The following LRP8 variants were observed in gnomAD, a reference collection of about 807,000 sequenced individuals.
LRP8 encodes the protein LDL receptor related protein 8, also known as low-density lipoprotein receptor-related protein 8.
A neutral mutation model predicts 111.6 loss-of-function variants in LRP8; 46 were observed. The observed-to-expected ratio is 0.41, with a 90% CI of 0.33 to 0.53. The LOEUF (loss-of-function observed/expected upper bound fraction) is 0.53, where lower values mean the gene tolerates loss of function less well. LRP8 is among the 20% of genes least tolerant of loss of function. The pLI, the probability that LRP8 is intolerant of heterozygous loss-of-function variation, is 0.20. For synonymous variants in LRP8, 464 were observed against 511.2 expected (o/e 0.91, Z 1.24); for missense variants, 959 against 1,297.4 (o/e 0.74, Z 4.01).
intron 3 of LRP8, among the ~76,000 whole-genome samples, chr1:53,285,075 G>C (rs1647348021): frequency 6.6e-6 from 1 of 152,202 alleles, no homozygotes; most frequent in African/African-American, 2.4e-5. Context: ...TCTGGGTAAT[G>C]ACTGACACAT....
chr1:53,262,599 T>A lies in LRP8; in HGVS notation c.1656-35A>T, dbSNP rs777275686. On this transcript the variant is annotated intron_variant, in intron 10 of 18. Coordinates refer to ENST00000306052, the MANE Select transcript of LRP8 (RefSeq NM_004631.5). The surrounding 1 kb of genome is among the most constrained non-coding windows in gnomAD (Gnocchi z 4.8). Reference sequence around the variant, plus strand: ...AAAATAACCCAATTTGCCTTCTTGCTGGGGACATGACCGGGGTGGTCTGAG... The same window carrying A: ...AAAATAACCCAATTTGCCTTCTTGCAGGGGACATGACCGGGGTGGTCTGAG... The A allele has an allele frequency of 2.4e-5, 37 of 1,558,822 alleles. No homozygotes were observed. The highest frequency in any genetic ancestry group is 3.2e-5 in the Non-Finnish European group (36 of 1,130,524).
Position 53,263,125 on chromosome 1 carries a change from G to A in LRP8, c.1656-561C>T, listed in dbSNP as rs533031054. ...ACCCTGACGATCCGCAGTGGATTGG[G>A]GTTGGGCTGGGTGTAACTCTATGAT... On this transcript the variant is annotated intron_variant, in intron 10 of 18. Transcript: ENST00000306052. Among the ~76,000 whole-genome samples, 50 of 152,346 alleles carry A rather than the reference G, an allele frequency of 3.3e-4. 1 individual carries two copies. In the South Asian group the frequency reaches 0.01, roughly 31 times the overall value.
intron 15 of LRP8, among the ~76,000 whole-genome samples, chr1:53,256,917 C>T (rs1646112441): frequency 6.6e-6 from 1 of 152,214 alleles, no homozygotes. Flanking sequence ...TGTGCGTGAG[C>T]ACCTCCAGTT....
rs1331489146 is a variant in LRP8, at chr1:53,317,462, C to T, written c.244+9411G>A. 1.3e-5 allele frequency among the ~76,000 whole-genome samples: 2 copies of T among 152,180 alleles called. No homozygotes were observed. Among genetic ancestry groups the T allele is most frequent in the Non-Finnish European group, 2.9e-5 (2 of 68,024 alleles). On this transcript the variant is annotated intron_variant, in intron 2 of 18. Coordinates refer to ENST00000306052, the MANE Select transcript of LRP8 (RefSeq NM_004631.5). This position sits in a 1 kb window ranked among gnomAD's most constrained non-coding sequence, Gnocchi z 4.9. ...GTGGGATGAGATGGCTCCGACAGTC[C>T]CTCCCAGCCCGAGGAGCTGCTGTTC...
intron 2 of LRP8, among the ~76,000 whole-genome samples, chr1:53,311,053 T>A (rs555234147): frequency 8.5e-5 from 13 of 152,242 alleles, no homozygotes; most frequent in Non-Finnish European, 1.8e-4. Flanking sequence ...GGTAGCACAG[T>A]GAGGGCTGAG....
intron 2 of LRP8, among the ~76,000 whole-genome samples, chr1:53,323,954 C>T (rs1654829368): frequency 6.6e-6 from 1 of 152,226 alleles, no homozygotes; most frequent in African/African-American, 2.4e-5. Context: ...CTCCTTCCAG[C>T]CTCTTGGTAT....
intron 15 of LRP8, 26 bp from the exon 16 acceptor site, chr1:53,255,211 T>C: frequency 6.2e-7 from 1 of 1,606,314 alleles, no homozygotes; most frequent in Non-Finnish European, 8.5e-7. Context: ...ATTTGCAGAA[T>C]GATGCTCTAT....
At chr1:53,276,627 G>C in intron 5 of LRP8, 65 bp downstream of exon 5, 6 of 1,331,816 alleles carry the variant, frequency 4.5e-6, no homozygotes, top group Non-Finnish European at 6.0e-6. Flanking sequence ...TGCACCTGGC[G>C]GATCCGGATC....
rs1206821616 is a variant in LRP8 at position 53,327,091 on chromosome 1, A to AGG, written c.125-101_125-100dup. ...GGAAGGACCCGCTGGGGAGGAGGAA[A>AGG]GGGGGCGATTATGGAGACCCCGGGG... On this transcript the variant is annotated intron_variant, in intron 1 of 18. Transcript: ENST00000306052. The AGG allele has an allele frequency of 5.9e-6, 9 of 1,524,846 alleles. No individual in the cohort carries two copies. The African/African-American group carries it at 1.2e-4, about 21-fold the overall frequency. The allele number at this position is 1,524,846 out of a possible 1,614,324, so 94.5% of individuals were successfully genotyped here. A position where few individuals can be genotyped will look rare whatever the true frequency, so the allele number is the denominator to read the frequency against.
In LRP8 at chr1:53,280,641, A is replaced by G. The variant is rs1300705770; in HGVS notation, c.442T>C (p.Cys148Arg). The G allele has an allele frequency of 6.2e-7, 1 of 1,613,400 alleles. No homozygotes were observed. The highest frequency in any genetic ancestry group is 8.5e-7 in the Non-Finnish European group (1 of 1,180,040). ...SHKCVPASWR[C>R]DGEKDCEGGA... ...CCCTCGCAGTCCTTCTCCCCGTCGC[A>G]GCGCCACGAGGCAGGTACACACTTG... Residue 148 changes from cysteine to arginine, a missense_variant, in exon 4 of 19, where the codon TGC becomes CGC. Cys to Arg is a radical substitution (Grantham distance 180, BLOSUM62 -3). This residue lies in a region of LRP8 where 43 missense variants were observed against 92.4 expected (regional missense o/e 0.47). Transcript: ENST00000306052.
In LRP8 at chr1:53,244,289, A is replaced by C. The variant is rs1645687789; in HGVS notation, c.*2729T>G. ...CTGCAGAAGGAAATGGAGGAAACGC[A>C]CTGGGACTGGCTTCTGATAAATTTT... On this transcript the variant is annotated 3_prime_UTR_variant, in exon 19 of 19. Transcript: ENST00000306052. The C allele has an allele frequency of 6.6e-6, 1 of 152,226 alleles. No individual in the cohort carries two copies. The allele number at this position is 152,226 out of a possible 1,614,324, so 9.4% of individuals were successfully genotyped here.
chr1:53,268,666 T>C (rs1646662416), intron 8 of LRP8: 1 of 152,190 alleles, frequency 6.6e-6, no homozygotes, highest in Admixed American at 6.5e-5. Flanking sequence ...CCTAACCAGT[T>C]TTCTTAAACA....
At chr1:53,314,139 C>G (rs1296551027) in intron 2 of LRP8, among the ~76,000 whole-genome samples, 1 of 152,202 alleles carries the variant, frequency 6.6e-6, no homozygotes, top group African/African-American at 2.4e-5. Context: ...GTCCAAGAGG[C>G]AGAAGACGTT....
chr1:53,325,937 C>T (rs1417505162), intron 2 of LRP8, among the ~76,000 whole-genome samples: 1 of 152,266 alleles, frequency 6.6e-6, no homozygotes, highest in Non-Finnish European at 1.5e-5. Context: ...TCCACCGTGA[C>T]AACTGCCTGC....
intron 3 of LRP8, among the ~76,000 whole-genome samples, chr1:53,287,352 G>A (rs1647721392): frequency 6.6e-6 from 1 of 152,230 alleles, no homozygotes. Flanking sequence ...CAGGAAGTGG[G>A]TATCATGGCT....
intron 14 of LRP8, chr1:53,257,872 T>C (rs2100362672): frequency 8.4e-6 from 2 of 239,252 alleles, no homozygotes; most frequent in African/African-American, 2.2e-5. Flanking sequence ...TGGCTATACA[T>C]CAAGATTAGG....
rs578053398 is a variant in LRP8, at chr1:53,266,525, C to T, written c.1375G>A (p.Val459Ile). 1 of 1,614,226 alleles carries T rather than the reference C, an allele frequency of 6.2e-7. No individual in the cohort carries two copies. Among genetic ancestry groups the T allele is most frequent in the South Asian group, 1.1e-5 (1 of 91,086 alleles). The part of the protein sequence containing the change: ...LKNVVALDVE[V>I]ATNRIYWCDL... ...CACCAGTAGATGCGATTGGTGGCAA[C>T]TTCCACATCTAGTGCCACGACATTC... Residue 459 changes from valine to isoleucine, a missense_variant, in exon 9 of 19, where the codon GTT (valine) becomes ATT (isoleucine). Coordinates refer to ENST00000306052, the MANE Select transcript of LRP8 (RefSeq NM_004631.5). The surrounding 1 kb of genome is among the most constrained non-coding windows in gnomAD (Gnocchi z 5.0).
chr1:53,280,852 G>T, intron 3 of LRP8, 137 bp from the exon 4 acceptor site: 2 of 1,082,392 alleles, frequency 1.8e-6, no homozygotes, highest in Non-Finnish European at 1.3e-6. Flanking sequence ...CCATGTCTCA[G>T]TTTCATCAGC....
intron 1 of LRP8, 75 bp downstream of exon 1, chr1:53,327,714 C>T (rs1655348515): frequency 2.9e-6 from 4 of 1,366,648 alleles, no homozygotes; most frequent in Non-Finnish European, 3.8e-6. Flanking sequence ...GACCCCTCCC[C>T]GCTCCGGCCT....
Sources: gnomAD v4.1 joint callset for allele counts (sites outside exome capture counted in the v4.1 genomes callset) on GRCh38, gnomAD v4.1.1 for gene constraint, gnomAD v4.1.1 regional missense constraint, Gnocchi (gnomAD v3.1) non-coding constraint, MANE v1.5 for transcripts, NCBI Gene and HGNC (gene_info 2026-07-23, HGNC 2026-07-21) for gene names.